Variants in NTRK3 observed in about 807,000 individuals in gnomAD.
NTRK3 encodes neurotrophic receptor tyrosine kinase 3.
In NTRK3, 24 loss-of-function variants were observed where a neutral mutation model predicts 91.7. The ratio of observed to expected loss-of-function variants is 0.26; its 90% CI spans 0.19 to 0.37. The LOEUF (loss-of-function observed/expected upper bound fraction) is 0.37. NTRK3 is among the 10% of genes least tolerant of loss of function. NTRK3 has a pLI of 1.00. For synonymous variants in NTRK3, 483 were observed against 404.0 expected (o/e 1.20, Z -2.34); for missense variants, 880 against 1,068.9 (o/e 0.82, Z 2.46).
At chr15:87,887,233 T>G (rs2065604732) in intron 17 of NTRK3, among the ~76,000 whole-genome samples, 1 of 152,164 alleles carries the variant, frequency 6.6e-6, no homozygotes, top group Admixed American at 6.5e-5. Flanking sequence ...ATCTTCAAAA[T>G]TCTAACCAAG....
At chr15:87,929,571 T>C in intron 16 of NTRK3, 137 bp from the exon 17 acceptor site, 2 of 1,115,780 alleles carry the variant, frequency 1.8e-6, no homozygotes, top group Non-Finnish European at 1.2e-6. Context: ...CTATGGCTTA[T>C]TTTTATCTGC....
At chr15:88,132,015 T>C (rs2041406621) in intron 10 of NTRK3, 1 of 201,354 alleles carries the variant, frequency 5.0e-6, no homozygotes, top group Admixed American at 6.0e-5. Flanking sequence ...ACCATAACTC[T>C]TCAAGAAGCG....
chr15:88,117,576 G>A (rs1386753021), intron 13 of NTRK3, among the ~76,000 whole-genome samples: 1 of 152,198 alleles, frequency 6.6e-6, no homozygotes, highest in Non-Finnish European at 1.5e-5. Flanking sequence ...CTGACTCTGT[G>A]CTCAAAAGAA....
intron 5 of NTRK3, among the ~76,000 whole-genome samples, chr15:88,148,604 G>A (rs1453604981): frequency 6.6e-6 from 1 of 152,176 alleles, no homozygotes; most frequent in Non-Finnish European, 1.5e-5. Flanking sequence ...AGGAAGTAGT[G>A]AGGAGTGCTT....
chr15:87,981,617 T>G (rs529242708), intron 14 of NTRK3, among the ~76,000 whole-genome samples: 1 of 152,182 alleles, frequency 6.6e-6, no homozygotes, highest in Non-Finnish European at 1.5e-5. Context: ...ACCATCACCA[T>G]GAACTCTGTC....
chr15:87,976,237 G>A (rs994096658), intron 14 of NTRK3, among the ~76,000 whole-genome samples: 3 of 152,118 alleles, frequency 2.0e-5, no homozygotes, highest in Admixed American at 6.6e-5. Flanking sequence ...GATAAATGCC[G>A]AGCTTGGTCT....
intron 15 of NTRK3, among the ~76,000 whole-genome samples, chr15:87,939,893 T>A (rs1183721009): frequency 1.3e-5 from 2 of 152,240 alleles, no homozygotes; most frequent in African/African-American, 2.4e-5. Flanking sequence ...TGGAAGAGTC[T>A]GGAAGGACAA....
At chr15:87,979,291 A>C in intron 14 of NTRK3, 1 of 1,299,594 alleles carries the variant, frequency 7.7e-7, no homozygotes, top group Non-Finnish European at 1.1e-6. Context: ...CCAACCTCTC[A>C]GAGGGCCCAG....
chr15:87,940,856 G>C (rs1188222573), intron 14 of NTRK3, 103 bp from the exon 15 acceptor site: 1 of 1,544,708 alleles, frequency 6.5e-7, no homozygotes, highest in Admixed American at 1.7e-5. Context: ...TTGGTTCTGA[G>C]CCTACAGCAG....
At chr15:88,192,369 C>A (rs2047475277) in intron 3 of NTRK3, among the ~76,000 whole-genome samples, 1 of 152,136 alleles carries the variant, frequency 6.6e-6, no homozygotes, top group African/African-American at 2.4e-5. Context: ...CCCTCCCCAG[C>A]CTATCTGCTT....
intron 3 of NTRK3, among the ~76,000 whole-genome samples, chr15:88,226,635 A>G (rs2050700259): frequency 6.6e-6 from 1 of 152,228 alleles, no homozygotes; most frequent in Non-Finnish European, 1.5e-5. Context: ...GGGAGCACTG[A>G]GCCATCTCTG....
rs150884008 is a variant in NTRK3, at chr15:88,157,262, C to T, written c.396-9859G>A. On this transcript the variant is annotated intron_variant, in intron 5 of 18. Coordinates refer to ENST00000394480, the Ensembl canonical transcript of NTRK3. Reference sequence around the variant, plus strand: ...ACACACCACACTACACACCATACCACGCACACATATTCAAACATACACACT... The same window carrying T: ...ACACACCACACTACACACCATACCATGCACACATATTCAAACATACACACT... Among the ~76,000 whole-genome samples, 7 of 152,230 alleles carry T rather than the reference C, an allele frequency of 4.6e-5. No individual in the cohort carries two copies. The East Asian group carries it at 5.8e-4, about 13-fold the overall frequency.
intron 14 of NTRK3, among the ~76,000 whole-genome samples, chr15:87,983,547 T>C (rs947595776): frequency 2.6e-5 from 4 of 152,200 alleles, no homozygotes; most frequent in Admixed American, 2.0e-4. Flanking sequence ...TAGTTCTTTA[T>C]ACCTCAACAT....
chr15:87,862,479 G>GT (rs1469071658), exon 19 of NTRK3: 1 of 228,128 alleles, frequency 4.4e-6, no homozygotes, highest in Non-Finnish European at 8.7e-6. Context: ...CAAAATGGAG[G>GT]TTTTCTAACA....
At chr15:88,175,338 G>C (rs1332095651) in intron 5 of NTRK3, among the ~76,000 whole-genome samples, 1 of 152,114 alleles carries the variant, frequency 6.6e-6, no homozygotes, top group Non-Finnish European at 1.5e-5. Context: ...CACAGGCTCT[G>C]AAAGCATCTT....
chr15:88,033,900 C>T (rs897465044), intron 13 of NTRK3, among the ~76,000 whole-genome samples: 6 of 152,178 alleles, frequency 3.9e-5, no homozygotes, highest in Non-Finnish European at 7.3e-5. Flanking sequence ...TGTACCTCCT[C>T]TTCTAGGGAG....
chr15:88,136,479 G>A (rs1311469579), exon 8 of NTRK3: 1 of 1,614,140 alleles, frequency 6.2e-7, no homozygotes, highest in Non-Finnish European at 8.5e-7. Flanking sequence ...GGTGAGTGTT[G>A]ATGGACTGCA....
At chr15:88,146,948 C>T (rs1487308248) in intron 6 of NTRK3, among the ~76,000 whole-genome samples, 1 of 152,038 alleles carries the variant, frequency 6.6e-6, no homozygotes, top group Non-Finnish European at 1.5e-5. Flanking sequence ...TCTTATGACT[C>T]TTATGATGAT....
At chr15:88,155,762 T>A (rs1280272376) in intron 5 of NTRK3, among the ~76,000 whole-genome samples, 3 of 152,262 alleles carry the variant, frequency 2.0e-5, no homozygotes, top group African/African-American at 7.2e-5. Context: ...AATATGTTAC[T>A]TAACCCAATA....
Sources: gnomAD v4.1 joint callset for allele counts (sites outside exome capture counted in the v4.1 genomes callset) on GRCh38, gnomAD v4.1.1 for gene constraint, MANE v1.5 for transcripts, NCBI Gene and HGNC (gene_info 2026-07-23, HGNC 2026-07-21) for gene names.